The following TENM2 variants were observed in gnomAD, a reference collection of about 807,000 sequenced individuals.
The protein encoded by TENM2 is teneurin-2.
In TENM2, 52 loss-of-function variants were observed where a neutral mutation model predicts 245.2. The observed-to-expected ratio is 0.21, with a 90% CI of 0.17 to 0.27. The LOEUF (loss-of-function observed/expected upper bound fraction) is 0.27, where lower values mean the gene tolerates loss of function less well. TENM2 is among the 10% of genes least tolerant of loss of function. The probability of loss-of-function intolerance (pLI) is 1.00; values close to 1 mark genes in which losing one functional copy is unlikely to be tolerated. For synonymous variants in TENM2, 1,363 were observed against 1,438.9 expected (o/e 0.95, Z 1.19); for missense variants, 3,046 against 3,666.8 (o/e 0.83, Z 4.37).
chr5:167,456,750 A>T (rs1229489819), intron 2 of TENM2, among the ~76,000 whole-genome samples: 1 of 152,192 alleles, frequency 6.6e-6, no homozygotes, highest in Non-Finnish European at 1.5e-5. Context: ...TTTAGTTTTC[A>T]TCCATCTAAT....
chr5:168,060,307 G>T (rs758186468), intron 6 of TENM2, among the ~76,000 whole-genome samples: 2 of 152,084 alleles, frequency 1.3e-5, no homozygotes, highest in Non-Finnish European at 1.5e-5. Flanking sequence ...CAGCTAATTT[G>T]GGGGGCTGAG....
At chr5:167,893,562 G>A (rs557758346) in intron 3 of TENM2, among the ~76,000 whole-genome samples, 41 of 151,382 alleles carry the variant, frequency 2.7e-4, no homozygotes, top group Non-Finnish European at 4.9e-4. Context: ...CATATGCTTC[G>A]TTGCTAGTAT....
chr5:168,217,930 A>G (rs2152564209), intron 22 of TENM2, among the ~76,000 whole-genome samples, 195 bp from the exon 25 acceptor site: 1 of 152,112 alleles, frequency 6.6e-6, no homozygotes, highest in East Asian at 1.9e-4. Flanking sequence ...AATATATATT[A>G]TATTATCTCT....
At chr5:167,533,263 C>T (rs529250179) in intron 2 of TENM2, among the ~76,000 whole-genome samples, 163 of 152,032 alleles carry the variant, frequency 1.1e-3, no homozygotes, top group Non-Finnish European at 1.8e-3. Context: ...ATGGATAACC[C>T]GAAAAACAAG....
intron 12 of TENM2, among the ~76,000 whole-genome samples, chr5:168,137,945 A>G (rs1322650566): frequency 3.9e-5 from 6 of 152,250 alleles, no homozygotes; most frequent in African/African-American, 1.4e-4. Flanking sequence ...AGCCTAGCAC[A>G]GACAACAGTC....
At chr5:168,124,159 T>C (rs751102962) in intron 10 of TENM2, among the ~76,000 whole-genome samples, 1 of 152,220 alleles carries the variant, frequency 6.6e-6, no homozygotes, top group Non-Finnish European at 1.5e-5. Context: ...CAGCCAGAGA[T>C]AGCCATCCAG....
At chr5:168,219,824 C>CAAAAAAAAAAAAAAAA (rs70976468) in intron 23 of TENM2, among the ~76,000 whole-genome samples, 1 of 49,822 alleles carries the variant, frequency 2.0e-5, no homozygotes, top group African/African-American at 9.0e-5. Flanking sequence ...GTTGGCACAG[C>CAAAAAAAAAAAAAAAA]AAAAAAAAAA....
intron 2 of TENM2, among the ~76,000 whole-genome samples, chr5:167,458,636 A>G (rs1266825796): frequency 6.6e-6 from 1 of 152,216 alleles, no homozygotes; most frequent in Non-Finnish European, 1.5e-5. Flanking sequence ...TCTCAACAGA[A>G]TTTTATTAGT....
the TENM2 span, among the ~76,000 whole-genome samples, chr5:167,152,336 G>C: frequency 6.6e-6 from 1 of 152,226 alleles, no homozygotes; most frequent in African/African-American, 2.4e-5. Context: ...GTTCAAATCT[G>C]CTTGTGAAAT....
chr5:167,116,496 C>A, the TENM2 span: 1 of 152,192 alleles, frequency 6.6e-6, no homozygotes, highest in Non-Finnish European at 1.5e-5. Flanking sequence ...TTGAGTGGTA[C>A]ATTTCAGTGA....
chr5:167,077,586 CATGATTTAGT>C, the TENM2 span, among the ~76,000 whole-genome samples: 1 of 152,094 alleles, frequency 6.6e-6, no homozygotes, highest in Non-Finnish European at 1.5e-5. Context: ...TCGGATAAGC[CATGATTTAGT>C]AAATTAATTA....
At chr5:167,196,482 GTGTGTATATATATA>G in the TENM2 span, among the ~76,000 whole-genome samples, 2 of 141,366 alleles carry the variant, frequency 1.4e-5, no homozygotes, top group Non-Finnish European at 3.0e-5. Flanking sequence ...ATATATATAT[GTGTGTATATATATA>G]TGTGTATATA....
chr5:167,928,763 G>T (rs1476283844), intron 3 of TENM2, among the ~76,000 whole-genome samples: 1 of 151,352 alleles, frequency 6.6e-6, no homozygotes, highest in Non-Finnish European at 1.5e-5. Flanking sequence ...AGATGTGGTG[G>T]TGCGTGCCTG....
At chr5:167,796,243 A>G (rs1765306861) in intron 2 of TENM2, among the ~76,000 whole-genome samples, 1 of 152,154 alleles carries the variant, frequency 6.6e-6, no homozygotes, top group Non-Finnish European at 1.5e-5. Context: ...TTAGAATCTT[A>G]TCATGTGTTA....
At position 168,247,519 on chromosome 5, in the gene TENM2, C is replaced by T; in HGVS notation, c.6580C>T (p.Pro2194Ser). Reference sequence around the variant, plus strand: ...GATCAAGAGGGAGCTAAAACTGGGGCCCTATGCCAATACCACGAAGTACAC... The same window carrying T: ...GATCAAGAGGGAGCTAAAACTGGGGTCCTATGCCAATACCACGAAGTACAC... The change falls in exon 27 of 29, where the codon CCC (proline) becomes TCC (serine). Residue 2194 changes from proline to serine, a missense_variant. Coordinates refer to ENST00000518659, the Ensembl canonical transcript of TENM2. This position sits in a 1 kb window ranked among gnomAD's most constrained non-coding sequence, Gnocchi z 7.8. 1 of 1,612,698 alleles carries T rather than the reference C, an allele frequency of 6.2e-7. No individual in the cohort carries two copies.
intron 7 of TENM2, among the ~76,000 whole-genome samples, chr5:168,078,581 T>A (rs1441992379): frequency 6.6e-6 from 1 of 152,240 alleles, no homozygotes; most frequent in Admixed American, 6.5e-5. Flanking sequence ...TTTAAGTCTT[T>A]AATCCATTTT....
chr5:168,124,270 T>C (rs533710900), intron 10 of TENM2, among the ~76,000 whole-genome samples: 40 of 152,210 alleles, frequency 2.6e-4, no homozygotes, highest in Non-Finnish European at 5.1e-4. Context: ...CTTCAGTGGG[T>C]GTGTGCTCAG....
chr5:167,303,803 G>T (rs1189302281), intron 1 of TENM2, among the ~76,000 whole-genome samples: 3 of 152,160 alleles, frequency 2.0e-5, no homozygotes, highest in Non-Finnish European at 4.4e-5. Flanking sequence ...AGGCCAGGTT[G>T]TCAACTATGC....
intron 2 of TENM2, among the ~76,000 whole-genome samples, chr5:167,525,177 G>T (rs1474850739): frequency 6.6e-6 from 1 of 152,060 alleles, no homozygotes; most frequent in Non-Finnish European, 1.5e-5. Flanking sequence ...ACATCAGAAA[G>T]AATTTCCTTT....
Sources: gnomAD v4.1 joint callset for allele counts (sites outside exome capture counted in the v4.1 genomes callset) on GRCh38, gnomAD v4.1.1 for gene constraint, Gnocchi (gnomAD v3.1) non-coding constraint, MANE v1.5 for transcripts, NCBI Gene and HGNC (gene_info 2026-07-23, HGNC 2026-07-21) for gene names.